SLCO1A2: variants seen among roughly 807,000 people sequenced by gnomAD.
The protein encoded by SLCO1A2 is solute carrier organic anion transporter family member 1A2, also known as OATP-1.
SLCO1A2 carries 67 observed loss-of-function variants against 69.0 expected under a neutral mutation model. The ratio of observed to expected loss-of-function variants is 0.97; its 90% CI spans 0.80 to 1.19. The LOEUF (loss-of-function observed/expected upper bound fraction) is 1.19, where lower values mean the gene tolerates loss of function less well. Among genes scored for constraint, SLCO1A2 ranks in the 50% most tolerant of loss-of-function variants. SLCO1A2 has a pLI of 0.00. For synonymous variants in SLCO1A2, 260 were observed against 265.9 expected, an observed-to-expected ratio of 0.98 and a Z score of 0.22; for missense variants, 787 against 793.7, an observed-to-expected ratio of 0.99 and a Z score of 0.10.
chr12:21,281,780 T>G (rs903619168), intron 12 of SLCO1A2, among the ~76,000 whole-genome samples: 2 of 152,080 alleles, frequency 1.3e-5, no homozygotes, highest in South Asian at 2.1e-4. Context: ...TTAAACTATG[T>G]TAAACTCAAG....
At chr12:21,276,561 A>AAAAAC (rs1565463765) in intron 12 of SLCO1A2, among the ~76,000 whole-genome samples, 2 of 152,012 alleles carry the variant, frequency 1.3e-5, no homozygotes, top group African/African-American at 4.8e-5. Flanking sequence ...AAAACCAAAA[A>AAAAAC]AAACCTTTGT....
chr12:21,377,952 T>C (rs1940322956), intron 1 of SLCO1A2, among the ~76,000 whole-genome samples: 1 of 152,168 alleles, frequency 6.6e-6, no homozygotes, highest in Non-Finnish European at 1.5e-5. Flanking sequence ...ACAAAGACAC[T>C]GTTATTTTGA....
At chr12:21,362,777 CA>C (rs1240973177) in intron 2 of SLCO1A2, among the ~76,000 whole-genome samples, 1 of 152,048 alleles carries the variant, frequency 6.6e-6, no homozygotes, top group Non-Finnish European at 1.5e-5. Flanking sequence ...GACTTTAAAC[CA>C]ATAAAGATCA....
At chr12:21,286,935 A>T (rs569719426) in intron 12 of SLCO1A2, among the ~76,000 whole-genome samples, 1 of 151,780 alleles carries the variant, frequency 6.6e-6, no homozygotes, top group African/African-American at 2.4e-5. Context: ...ATTACCATTC[A>T]GGACATAGGT....
chr12:21,346,649 T>C (rs1315682266), intron 2 of SLCO1A2, among the ~76,000 whole-genome samples: 1 of 152,230 alleles, frequency 6.6e-6, no homozygotes, highest in Non-Finnish European at 1.5e-5. Context: ...CAAGTAATTT[T>C]CCTTTGATTG....
At chr12:21,312,058 A>G (rs943464914) in intron 4 of SLCO1A2, among the ~76,000 whole-genome samples, 3 of 132,366 alleles carry the variant, frequency 2.3e-5, no homozygotes, top group South Asian at 2.1e-4. Flanking sequence ...AGAGGAGGAG[A>G]AGAAGAAGAG....
rs1025078079 is a variant in SLCO1A2, at chr12:21,282,908, G to T, written c.1611-7484C>A. Among the ~76,000 whole-genome samples the T allele has an allele frequency of 3.3e-5, 5 of 151,876 alleles. No homozygotes were observed. In the East Asian group the frequency reaches 9.6e-4, roughly 29 times the overall value. On this transcript the variant is annotated intron_variant, in intron 12 of 14. Coordinates refer to ENST00000683939, the MANE Select transcript of SLCO1A2 (RefSeq NM_001386879.1). ...TCTACAATAAAAACTGTAAAACATTGGTGCAAGAAATTGAAGAGGATACAA... is the reference window on the plus strand; with the variant it reads ...TCTACAATAAAAACTGTAAAACATTTGTGCAAGAAATTGAAGAGGATACAA...
At chr12:21,279,897 G>A (rs1944492283) in intron 12 of SLCO1A2, among the ~76,000 whole-genome samples, 1 of 151,314 alleles carries the variant, frequency 6.6e-6, no homozygotes, top group Admixed American at 6.6e-5. Context: ...TCAAGACACA[G>A]ACAGTAAAAT....
intron 1 of SLCO1A2, among the ~76,000 whole-genome samples, chr12:21,407,431 T>C (rs1941838798): frequency 6.6e-6 from 1 of 152,086 alleles, no homozygotes; most frequent in Non-Finnish European, 1.5e-5. Context: ...GGAGTTAGGA[T>C]TATATTCTAT....
rs1411256477 is a variant in SLCO1A2, at chr12:21,266,117, G to A, written c.*3431C>T. On this transcript the variant is annotated 3_prime_UTR_variant, in exon 15 of 15. Transcript: ENST00000683939. ...GCATGAGAGGACCCACAAAGAGGAC[G>A]TTCACCTATGAATCAGCCAGTATCT... The A allele has an allele frequency of 6.6e-6, 1 of 152,122 alleles. No individual in the cohort carries two copies. The highest frequency in any genetic ancestry group is 1.5e-5 in the Non-Finnish European group (1 of 68,024). 9.4% of individuals were successfully genotyped at this position (152,122 alleles called of 1,614,324 possible).
chr12:21,306,789 T>C (rs1445408666), intron 5 of SLCO1A2, 93 bp downstream of exon 5: 4 of 745,674 alleles, frequency 5.4e-6, no homozygotes, highest in African/African-American at 1.7e-5. Context: ...TGTTTATTTA[T>C]CTAACTCAAT....
intron 11 of SLCO1A2, among the ~76,000 whole-genome samples, chr12:21,292,857 G>C (rs1277550068): frequency 6.6e-6 from 1 of 152,064 alleles, no homozygotes; most frequent in Non-Finnish European, 1.5e-5. Flanking sequence ...GCCTTCCAAA[G>C]TGCTGGGATT....
At chr12:21,287,562 G>A (rs1335211893) in intron 12 of SLCO1A2, among the ~76,000 whole-genome samples, 12 of 145,368 alleles carry the variant, frequency 8.3e-5, no homozygotes, top group East Asian at 2.0e-4. Flanking sequence ...ACATGCACAC[G>A]TATGTTTATT....
intron 2 of SLCO1A2, among the ~76,000 whole-genome samples, chr12:21,327,091 C>T (rs1952297338): frequency 1.3e-5 from 2 of 152,070 alleles, no homozygotes; most frequent in Admixed American, 6.5e-5. Flanking sequence ...GGACTTGGTG[C>T]TCTGGGTCCC....
At chr12:21,333,946 G>A (rs918359775) in intron 2 of SLCO1A2, among the ~76,000 whole-genome samples, 1 of 152,018 alleles carries the variant, frequency 6.6e-6, no homozygotes, top group African/African-American at 2.4e-5. Flanking sequence ...GAGAAAATGA[G>A]TGACAGTGTC....
upstream of SLCO1A2, among the ~76,000 whole-genome samples, chr12:21,335,907 A>C (rs1321923182): frequency 6.6e-6 from 1 of 152,158 alleles, no homozygotes; most frequent in Non-Finnish European, 1.5e-5. Flanking sequence ...AGAGAGTATA[A>C]ACTAGCGAGA....
chr12:21,274,871 A>AGT, intron 13 of SLCO1A2: 2 of 1,010,530 alleles, frequency 2.0e-6, no homozygotes, highest in East Asian at 1.2e-4. Context: ...TGGGCCAGTT[A>AGT]TATGTACATT....
At chr12:21,387,370 C>T (rs1010609900) in intron 1 of SLCO1A2, among the ~76,000 whole-genome samples, 2 of 152,090 alleles carry the variant, frequency 1.3e-5, no homozygotes, top group Non-Finnish European at 2.9e-5. Flanking sequence ...GCCCTGAGGC[C>T]TAGGGAGGAA....
intron 1 of SLCO1A2, among the ~76,000 whole-genome samples, chr12:21,406,251 T>C (rs1313526288): frequency 6.6e-6 from 1 of 152,268 alleles, no homozygotes; most frequent in African/African-American, 2.4e-5. Context: ...CATTTTTTTC[T>C]AAAATCCCTT....
Sources: allele counts gnomAD v4.1 joint callset (sites outside exome capture counted in the v4.1 genomes callset), GRCh38; gene constraint gnomAD v4.1.1; transcripts MANE v1.5; gene names NCBI Gene and HGNC (gene_info 2026-07-23, HGNC 2026-07-21).